The following HEXB variants were observed in gnomAD, a reference collection of about 807,000 sequenced individuals.
HEXB encodes the protein beta-hexosaminidase subunit beta.
HEXB carries 51 observed loss-of-function variants against 71.2 expected under a neutral mutation model. The ratio of observed to expected loss-of-function variants is 0.72; its 90% confidence interval spans 0.57 to 0.90. HEXB has a LOEUF of 0.90. HEXB is among the 40% of genes least tolerant of loss of function. The probability of loss-of-function intolerance (pLI) is 0.00; values close to 1 mark genes in which losing one functional copy is unlikely to be tolerated. For synonymous variants in HEXB, 266 were observed against 249.3 expected (o/e 1.07, Z -0.63); for missense variants, 617 against 677.0 (o/e 0.91, Z 0.98).
chr5:74,699,447 G>A (rs971796116), intron 5 of HEXB, among the ~76,000 whole-genome samples: 1 of 151,786 alleles, frequency 6.6e-6, no homozygotes, highest in South Asian at 2.1e-4. Context: ...GCTAATTTTT[G>A]TATTTTTAGT....
At chr5:74,686,493 G>A (rs1433857779) in intron 1 of HEXB, among the ~76,000 whole-genome samples, 1 of 152,208 alleles carries the variant, frequency 6.6e-6, no homozygotes, top group African/African-American at 2.4e-5. Flanking sequence ...AAGTGTGCTT[G>A]CAGGACCCTG....
intron 2 of HEXB, among the ~76,000 whole-genome samples, chr5:74,692,139 A>C (rs1211393861): frequency 6.6e-6 from 1 of 152,116 alleles, no homozygotes; most frequent in Non-Finnish European, 1.5e-5. Context: ...TCAAAACTAG[A>C]ATGTGGCAAA....
In HEXB at chr5:74,720,654, G is replaced by C; in HGVS notation, c.1520G>C (p.Ser507Thr). 1.2e-6 allele frequency: 2 copies of C among 1,614,134 alleles called. No individual in the cohort carries two copies. Among genetic ancestry groups the C allele is most frequent in the Non-Finnish European group, 1.7e-6 (2 of 1,179,986 alleles). Residue 507 changes from serine to threonine, a missense_variant, in exon 13 of 14, where the codon AGT (serine) becomes ACT (threonine). Coordinates refer to ENST00000261416, the MANE Select transcript of HEXB (RefSeq NM_000521.4). The part of the protein sequence containing the change: ...NLTPRLWPRA[S>T]AVGERLWSSK... ...GATTTAAATTTTAGGCCTCGGGCAA[G>C]TGCTGTTGGTGAGAGACTCTGGAGT...
rs1325503989 is a variant in HEXB at position 74,641,383 on chromosome 5, C to T, written c.-377+825C>T. On this transcript the variant is annotated intron_variant, in intron 1 of 13. Transcript: ENST00000511181. The surrounding 1 kb of genome is among the most constrained non-coding windows in gnomAD (Gnocchi z 4.1). ...CCCAGGCATTTCCTATGTGTCCTCC[C>T]TCCCCACTCCCCAGTGGGTGCGGCA... 2 of 152,338 alleles carry T rather than the reference C, an allele frequency of 1.3e-5. No homozygotes were observed. The highest frequency in any genetic ancestry group is 6.5e-5 in the Admixed American group (1 of 15,286). The allele number at this position is 152,338 out of a possible 1,614,324, so 9.4% of individuals were successfully genotyped here.
chr5:74,682,805 G>A (rs759296951), upstream of HEXB, among the ~76,000 whole-genome samples: 5 of 152,218 alleles, frequency 3.3e-5, no homozygotes, highest in Non-Finnish European at 5.9e-5. Flanking sequence ...CATGCACCAT[G>A]TAGGGGTGGA....
At chr5:74,689,220 A>T in intron 1 of HEXB, 108 bp from the exon 2 acceptor site, 1 of 863,926 alleles carries the variant, frequency 1.2e-6, no homozygotes. Context: ...TTGGACTTAC[A>T]ATGGGCAGCA....
At chr5:74,689,826 T>C (rs1748957378) in intron 2 of HEXB, 1 of 229,606 alleles carries the variant, frequency 4.4e-6, no homozygotes, top group Admixed American at 5.2e-5. Flanking sequence ...AGTAATTCTG[T>C]ACATGTGCTT....
intron 6 of HEXB, among the ~76,000 whole-genome samples, chr5:74,708,652 TA>T (rs1247624820): frequency 6.6e-6 from 1 of 151,974 alleles, no homozygotes; most frequent in Admixed American, 6.6e-5. Flanking sequence ...TAGTCTCTGA[TA>T]AAACAGACTT....
chr5:74,713,152 CAGG>C (rs1282984824), intron 6 of HEXB, among the ~76,000 whole-genome samples: 1 of 152,196 alleles, frequency 6.6e-6, no homozygotes, highest in Admixed American at 6.5e-5. Flanking sequence ...ACTCTTGAAA[CAGG>C]AGGCACTGAT....
At chr5:74,647,750 A>G (rs767280628) in intron 1 of HEXB, among the ~76,000 whole-genome samples, 62 of 152,238 alleles carry the variant, frequency 4.1e-4, no homozygotes, top group Non-Finnish European at 7.8e-4. Flanking sequence ...GTAACTTTTT[A>G]AAAGTATGTA....
intron 5 of HEXB, among the ~76,000 whole-genome samples, chr5:74,698,238 C>T (rs983268276): frequency 4.6e-5 from 7 of 151,318 alleles, no homozygotes; most frequent in African/African-American, 1.5e-4. Context: ...CCACCACGCC[C>T]AGCTAATTTT....
rs187377847 is a variant in HEXB, at chr5:74,679,937, T to A, written c.-376-9391T>A. ...CTTAAGACCTCAGAAAGATCTATTG[T>A]GGTGTCTTAGAGTACCTTTCAATCA... On this transcript the variant is annotated intron_variant, in intron 1 of 13. Transcript: ENST00000511181. Among the ~76,000 whole-genome samples the A allele has an allele frequency of 1.9e-3, 288 of 151,780 alleles. 1 individual carries two copies. Among genetic ancestry groups the A allele is most frequent in the Non-Finnish European group, 2.0e-3 (134 of 67,950 alleles).
intron 1 of HEXB, among the ~76,000 whole-genome samples, chr5:74,644,441 G>A (rs1747963268): frequency 6.6e-6 from 1 of 152,146 alleles, no homozygotes; most frequent in Admixed American, 6.5e-5. Context: ...TCAGAACAGT[G>A]AGAATACAGA....
Position 74,685,257 on chromosome 5 carries a change from G to A in HEXB, c.-4G>A. 6.6e-7 allele frequency: 1 copy of A among 1,505,146 alleles called. No individual in the cohort carries two copies. 93.2% of individuals were successfully genotyped at this position (1,505,146 alleles called of 1,614,324 possible). ...CAGACCGGGCGGAAAGCAGCCGAGC[G>A]GCCATGGAGCTGTGCGGGCTGGGGC... On this transcript the variant is annotated 5_prime_UTR_variant, in exon 1 of 14. Transcript: ENST00000261416.
chr5:74,700,973 G>C (rs1011223490), intron 5 of HEXB, among the ~76,000 whole-genome samples: 1 of 152,062 alleles, frequency 6.6e-6, no homozygotes, highest in African/African-American at 2.4e-5. Context: ...TTCCCGAAGT[G>C]CTGGGATTAC....
chr5:74,672,585 C>T (rs565494189), intron 1 of HEXB, among the ~76,000 whole-genome samples: 1 of 152,290 alleles, frequency 6.6e-6, no homozygotes, highest in East Asian at 1.9e-4. Flanking sequence ...AGACAAACTC[C>T]CCACCTCTCT....
chr5:74,643,826 G>T lies in HEXB; in HGVS notation c.-377+3268G>T, dbSNP rs568670255. ...CAGTAGGCTAAGCAGCTGCCATCCT[G>T]CCTCCGGTGGTCTCCTGAAGCCCCA... On this transcript the variant is annotated intron_variant, in intron 1 of 13. Transcript: ENST00000511181. Among the ~76,000 whole-genome samples, 3 of 152,278 alleles carry T rather than the reference G, an allele frequency of 2.0e-5. 1 individual carries two copies. The South Asian group carries it at 6.2e-4, about 32-fold the overall frequency.
At chr5:74,683,060 T>C (rs991429025), upstream of HEXB, among the ~76,000 whole-genome samples, 1 of 152,120 alleles carries the variant, frequency 6.6e-6, no homozygotes, top group East Asian at 1.9e-4. Context: ...CTAATGGTAA[T>C]AGAGAGGAGA....
chr5:74,675,085 A>T (rs1283267099), intron 1 of HEXB, among the ~76,000 whole-genome samples: 1 of 152,230 alleles, frequency 6.6e-6, no homozygotes, highest in Non-Finnish European at 1.5e-5. Flanking sequence ...GAGTCAGATC[A>T]GGCTGAACTC....
Sources: allele counts gnomAD v4.1 joint callset (sites outside exome capture counted in the v4.1 genomes callset), GRCh38; gene constraint gnomAD v4.1.1; non-coding constraint Gnocchi (gnomAD v3.1); transcripts MANE v1.5; gene names NCBI Gene and HGNC (gene_info 2026-07-23, HGNC 2026-07-21).